SH3KBP1: variants seen among roughly 807,000 people sequenced by gnomAD.
SH3KBP1 encodes SH3 domain-containing kinase-binding protein 1.
Under a neutral mutation model 50.1 loss-of-function variants are expected in SH3KBP1, and 8 were observed. The ratio of observed to expected loss-of-function variants is 0.16; its 90% CI spans 0.09 to 0.29. SH3KBP1 has a LOEUF of 0.29. Ranked by LOEUF, SH3KBP1 falls within the 10% of genes least tolerant of loss-of-function variation. SH3KBP1 has a pLI of 1.00. For missense variants in SH3KBP1, 377 were observed against 535.2 expected, an observed-to-expected ratio of 0.70 and a Z score of 2.92; for synonymous variants, 227 against 218.6, an observed-to-expected ratio of 1.04 and a Z score of -0.34.
At chrX:19,650,950 G>A (rs1275572448) in intron 6 of SH3KBP1, among the ~76,000 whole-genome samples, 1 of 112,115 alleles carries the variant, frequency 8.9e-6, no homozygotes, top group Non-Finnish European at 1.9e-5. Flanking sequence ...GGTCAAAACA[G>A]TTATCTATAT....
chrX:19,657,118 T>C (rs948869003), intron 6 of SH3KBP1, among the ~76,000 whole-genome samples: 3 of 111,970 alleles, frequency 2.7e-5, no homozygotes, highest in Non-Finnish European at 3.8e-5. Context: ...TTATTATGCC[T>C]GTAATCCCAA....
At chrX:19,793,313 A>AAAAAT (rs1418807395) in intron 2 of SH3KBP1, among the ~76,000 whole-genome samples, 10 of 96,970 alleles carry the variant, frequency 1.0e-4, no homozygotes, top group African/African-American at 3.1e-4. Context: ...AGGAAAAAAA[A>AAAAAT]ATATATATAT....
chrX:19,825,896 C>G (rs2067657360), intron 2 of SH3KBP1, among the ~76,000 whole-genome samples: 1 of 111,314 alleles, frequency 9.0e-6, no homozygotes, highest in African/African-American at 3.3e-5. Context: ...AACAAAAAAA[C>G]ATGGAAAGGG....
At chrX:19,883,947 G>T (rs2069516767) in intron 1 of SH3KBP1, among the ~76,000 whole-genome samples, 1 of 111,204 alleles carries the variant, frequency 9.0e-6, no homozygotes, top group Admixed American at 9.5e-5. Flanking sequence ...ACGCCCTCAA[G>T]CCACCTGACA....
intron 2 of SH3KBP1, among the ~76,000 whole-genome samples, chrX:19,828,092 A>G (rs796990407): frequency 1.8e-5 from 2 of 111,326 alleles, no homozygotes; most frequent in South Asian, 7.4e-4. Flanking sequence ...TTACAATCCT[A>G]TAAAAGTCAG....
chrX:19,816,576 G>A (rs911309342), intron 2 of SH3KBP1, among the ~76,000 whole-genome samples: 1 of 111,813 alleles, frequency 8.9e-6, no homozygotes, highest in African/African-American at 3.3e-5. Flanking sequence ...GGGAGGCCAA[G>A]GCAGTGGATT....
At chrX:19,725,639 T>C (rs115430720) in intron 3 of SH3KBP1, among the ~76,000 whole-genome samples, 1,902 of 110,236 alleles carry the variant, frequency 0.017, 58 homozygotes, top group African/African-American at 0.059. Flanking sequence ...CCACCAGAAA[T>C]AGGTTCAGGG....
intron 4 of SH3KBP1, among the ~76,000 whole-genome samples, chrX:19,696,542 A>C (rs995510762): frequency 9.0e-6 from 1 of 111,384 alleles, no homozygotes; most frequent in Non-Finnish European, 1.9e-5. Flanking sequence ...TAAGGAGGGA[A>C]GGCTGAGTCG....
rs149782443 is a variant in SH3KBP1, at chrX:19,588,758, C to T, written c.1183G>A (p.Val395Ile). Residue 395 changes from valine (V) to isoleucine (I), a missense_variant, in exon 12 of 18, where the codon GTT becomes ATT. Val to Ile is a conservative substitution (Grantham distance 29, BLOSUM62 3). Around this residue, in one of 3 missense-constraint regions of SH3KBP1, gnomAD observed 257 missense variants for 374.2 expected, o/e 0.69. Transcript: ENST00000397821. Reference sequence around the variant, plus strand: ...GGCTTTTTTGGCGGTATGGCAGGAACGGAGGGCTTCTGTAAATCCAGTTTT... The same window carrying T: ...GGCTTTTTTGGCGGTATGGCAGGAATGGAGGGCTTCTGTAAATCCAGTTTT... ...EPKLDLQKPS[V>I]PAIPPKKPRP... The T allele has an allele frequency of 7.3e-4, 864 of 1,178,834 alleles. 1 individual carries two copies. Among genetic ancestry groups the T allele is most frequent in the Admixed American group, 8.7e-4 (36 of 41,525 alleles).
At chrX:19,818,178 T>C (rs748889520) in intron 2 of SH3KBP1, among the ~76,000 whole-genome samples, 3 of 112,389 alleles carry the variant, frequency 2.7e-5, no homozygotes, top group Non-Finnish European at 3.8e-5. Flanking sequence ...TAACTGTATT[T>C]CAATTCTTTT....
intron 7 of SH3KBP1, among the ~76,000 whole-genome samples, chrX:19,641,519 C>T (rs1051969554): frequency 8.0e-5 from 9 of 111,942 alleles, no homozygotes; most frequent in African/African-American, 2.9e-4. Flanking sequence ...GAACTGTTTT[C>T]CAAGCATAAA....
At chrX:19,760,041 CCTCT>C (rs745515349) in intron 2 of SH3KBP1, among the ~76,000 whole-genome samples, 2,171 of 50,405 alleles carry the variant, frequency 0.043, 45 homozygotes, top group Middle Eastern at 0.1. Flanking sequence ...TCTCTCTCTC[CCTCT>C]CTCTCTCTCT....
chrX:19,544,671 T>TTG (rs2065036353), intron 15 of SH3KBP1, among the ~76,000 whole-genome samples: 2 of 112,044 alleles, frequency 1.8e-5, no homozygotes, highest in Admixed American at 1.9e-4. Context: ...AATGCTTCTC[T>TTG]TGGCATTTCC....
chrX:19,724,213 T>C (rs1026148849), intron 3 of SH3KBP1, among the ~76,000 whole-genome samples: 1 of 110,111 alleles, frequency 9.1e-6, no homozygotes, highest in Non-Finnish European at 1.9e-5. Context: ...CTAAAAATCC[T>C]GAGGCGAAAA....
At chrX:19,601,376 G>A (rs1418406713) in intron 9 of SH3KBP1, 2 of 111,444 alleles carry the variant, frequency 1.8e-5, no homozygotes, top group East Asian at 2.8e-4. Flanking sequence ...CTCATTGGCT[G>A]GCTCAACTGT....
intron 13 of SH3KBP1, among the ~76,000 whole-genome samples, chrX:19,562,668 T>G (rs1362337817): frequency 9.1e-6 from 1 of 110,115 alleles, no homozygotes; most frequent in Non-Finnish European, 1.9e-5. Flanking sequence ...GCCACAGAGA[T>G]GCAGGCGACC....
chrX:19,669,325 A>AATAATTATTATTATT (rs780980302), intron 6 of SH3KBP1, among the ~76,000 whole-genome samples: 5 of 102,553 alleles, frequency 4.9e-5, no homozygotes, highest in African/African-American at 1.8e-4. Flanking sequence ...TAATAATAAT[A>AATAATTATTATTATT]ATTATTATTA....
rs762337293 is a variant in SH3KBP1 at position 19,537,752 on chromosome X, A to G, written c.1921T>C (p.Leu641=). Residue 641 remains leucine (L), a synonymous_variant, in exon 17 of 18, where the codon TTG becomes CTG. Coordinates refer to ENST00000397821, the MANE Select transcript of SH3KBP1 (RefSeq NM_031892.3). The stretch of plus-strand genomic sequence containing the variant: ...AGCCGGATTTTCTTCTCTTCATCCA[A>G]CTCAGACAATAACTGTTTAATCTCT... The part of the protein sequence containing the change: ...KREIKQLLSE[L]DEEKKIRLRL... 3.3e-6 allele frequency: 4 copies of G among 1,211,078 alleles called. No individual in the cohort carries two copies. The highest frequency in any genetic ancestry group is 4.5e-6 in the Non-Finnish European group (4 of 895,014).
At chrX:19,637,926 A>C (rs2061746070) in intron 7 of SH3KBP1, among the ~76,000 whole-genome samples, 1 of 107,614 alleles carries the variant, frequency 9.3e-6, no homozygotes, top group Non-Finnish European at 1.9e-5. Flanking sequence ...AAAATACAAA[A>C]ATTAGCCAGG....
Sources: gnomAD v4.1 joint callset for allele counts (sites outside exome capture counted in the v4.1 genomes callset) on GRCh38, gnomAD v4.1.1 for gene constraint, gnomAD v4.1.1 regional missense constraint, MANE v1.5 for transcripts, NCBI Gene and HGNC (gene_info 2026-07-23, HGNC 2026-07-21) for gene names.